DSCAM: variants seen among roughly 807,000 people sequenced by gnomAD.
The protein encoded by DSCAM is DS cell adhesion molecule, also known as cell adhesion molecule DSCAM.
DSCAM carries 47 observed loss-of-function variants against 217.7 expected under a neutral mutation model. The ratio of observed to expected loss-of-function variants is 0.22; its 90% CI spans 0.17 to 0.28. The LOEUF (loss-of-function observed/expected upper bound fraction) is 0.28, where lower values mean the gene tolerates loss of function less well. Ranked by LOEUF, DSCAM falls within the 10% of genes least tolerant of loss-of-function variation. The pLI is 1.00. For synonymous variants in DSCAM, 1,056 were observed against 1,015.3 expected (o/e 1.04, Z -0.76); for missense variants, 2,080 against 2,618.3 (o/e 0.79, Z 4.49).
At chr21:40,589,535 C>T (rs1310112726) in intron 3 of DSCAM, among the ~76,000 whole-genome samples, 1 of 152,060 alleles carries the variant, frequency 6.6e-6, no homozygotes. Context: ...GAGATCACAC[C>T]ACTGCACTCC....
intron 3 of DSCAM, among the ~76,000 whole-genome samples, chr21:40,575,374 C>T (rs556193681): frequency 1.3e-5 from 2 of 152,184 alleles, no homozygotes; most frequent in Non-Finnish European, 2.9e-5. Context: ...TCACACAAAG[C>T]CTGTTTGGTG....
At position 40,013,019 on chromosome 21, in the gene DSCAM, C is replaced by T. The variant is rs1014100110; in HGVS notation, c.*15G>A. The stretch of plus-strand genomic sequence containing the variant: ...TTGAATTGTATTTACAACCGCTGTC[C>T]AGTCATGCTGTCTGTTATACCAGGG... On this transcript the variant is annotated 3_prime_UTR_variant, in exon 33 of 33. Coordinates refer to ENST00000400454, the MANE Select transcript of DSCAM (RefSeq NM_001389.5). 2.1e-6 allele frequency: 3 copies of T among 1,406,600 alleles called. No individual in the cohort carries two copies. Among genetic ancestry groups the T allele is most frequent in the Non-Finnish European group, 9.3e-7 (1 of 1,072,314 alleles). 87.1% of individuals were successfully genotyped at this position (1,406,600 alleles called of 1,614,324 possible). A position where few individuals can be genotyped will look rare whatever the true frequency, so the allele number is the denominator to read the frequency against.
intron 3 of DSCAM, among the ~76,000 whole-genome samples, chr21:40,671,794 TTGAA>T (rs918530847): frequency 1.3e-5 from 2 of 150,388 alleles, no homozygotes; most frequent in African/African-American, 2.5e-5. Context: ...CGTATGGAAA[TTGAA>T]TGACCATTGG....
chr21:40,767,903 T>G (rs911204841), intron 1 of DSCAM, among the ~76,000 whole-genome samples: 3 of 151,946 alleles, frequency 2.0e-5, no homozygotes, highest in African/African-American at 2.4e-5. Context: ...TCTCTCCCTG[T>G]GTGTGTGTGC....
chr21:40,515,587 C>T (rs573697105), intron 3 of DSCAM, among the ~76,000 whole-genome samples: 12 of 152,236 alleles, frequency 7.9e-5, no homozygotes, highest in African/African-American at 2.9e-4. Flanking sequence ...ATTTTAAGAA[C>T]TTAGAGGAGT....
intron 1 of DSCAM, among the ~76,000 whole-genome samples, chr21:40,786,927 T>G (rs779761290): frequency 6.6e-6 from 1 of 152,246 alleles, no homozygotes; most frequent in Non-Finnish European, 1.5e-5. Flanking sequence ...TCAGAGAGGC[T>G]AAGTTACTTT....
At chr21:40,628,544 T>C (rs888804506) in intron 3 of DSCAM, among the ~76,000 whole-genome samples, 3 of 152,210 alleles carry the variant, frequency 2.0e-5, no homozygotes, top group Admixed American at 1.3e-4. Flanking sequence ...ACTTTTGCAC[T>C]GCAGTGGCAG....
chr21:40,270,266 C>G (rs2073597538), intron 11 of DSCAM, among the ~76,000 whole-genome samples: 1 of 152,144 alleles, frequency 6.6e-6, no homozygotes, highest in South Asian at 2.1e-4. Context: ...TTCTGGGGAC[C>G]AGAAGTGCAA....
At chr21:40,366,372 T>C (rs1360558590) in intron 4 of DSCAM, among the ~76,000 whole-genome samples, 1 of 152,116 alleles carries the variant, frequency 6.6e-6, no homozygotes, top group Non-Finnish European at 1.5e-5. Context: ...ATATTATGCT[T>C]TCTGTTGTGT....
chr21:40,345,249 C>A (rs191003444), intron 6 of DSCAM, among the ~76,000 whole-genome samples: 21 of 152,226 alleles, frequency 1.4e-4, no homozygotes, highest in East Asian at 1.2e-3. Context: ...TTGTTTCTAT[C>A]GTTTGCTTTG....
intron 19 of DSCAM, among the ~76,000 whole-genome samples, chr21:40,129,058 GCA>G (rs2090127839): frequency 6.6e-6 from 1 of 152,110 alleles, no homozygotes; most frequent in Admixed American, 6.5e-5. Flanking sequence ...CACAGACACC[GCA>G]GTCAGCTTCA....
intron 11 of DSCAM, among the ~76,000 whole-genome samples, chr21:40,268,310 T>G (rs915982659): frequency 8.5e-5 from 13 of 152,080 alleles, no homozygotes; most frequent in Admixed American, 6.5e-4. Flanking sequence ...GGCAAATGGG[T>G]GGGTCTGGTC....
intron 19 of DSCAM, among the ~76,000 whole-genome samples, chr21:40,129,000 C>T (rs1400516135): frequency 1.3e-5 from 2 of 152,168 alleles, no homozygotes; most frequent in African/African-American, 2.4e-5. Flanking sequence ...AACAGTATTG[C>T]CTTGTTTTGA....
intron 14 of DSCAM, among the ~76,000 whole-genome samples, chr21:40,181,229 A>G (rs2090797003): frequency 6.6e-6 from 1 of 151,938 alleles, no homozygotes; most frequent in African/African-American, 2.4e-5. Flanking sequence ...TTATATTTAT[A>G]TCTCAATTTT....
intron 1 of DSCAM, among the ~76,000 whole-genome samples, chr21:40,729,813 G>A (rs1312054004): frequency 6.6e-6 from 1 of 152,188 alleles, no homozygotes; most frequent in African/African-American, 2.4e-5. Context: ...GATCCATGGT[G>A]AAAATGTAGC....
chr21:40,018,099 GT>G (rs1279116965), intron 32 of DSCAM, among the ~76,000 whole-genome samples: 3 of 152,170 alleles, frequency 2.0e-5, no homozygotes, highest in Non-Finnish European at 4.4e-5. Flanking sequence ...GTTTATGGTA[GT>G]TATTCTTCAG....
chr21:40,310,672 G>A (rs1383323362), intron 9 of DSCAM, among the ~76,000 whole-genome samples: 3 of 152,146 alleles, frequency 2.0e-5, no homozygotes, highest in Non-Finnish European at 4.4e-5. Context: ...CAGATTCCTG[G>A]CCTGGATCCT....
At chr21:40,384,900 C>T (rs186525661) in intron 3 of DSCAM, 48 of 152,112 alleles carry the variant, frequency 3.2e-4, no homozygotes, top group African/African-American at 1.1e-3. Context: ...ATCCATGTAC[C>T]CATTTCTTAA....
intron 3 of DSCAM, among the ~76,000 whole-genome samples, chr21:40,525,637 G>A (rs1357329886): frequency 2.0e-5 from 3 of 152,184 alleles, no homozygotes; most frequent in Admixed American, 2.0e-4. Context: ...TGTGCAAGGA[G>A]GAAATAGCCA....
Sources: gnomAD v4.1 joint callset for allele counts (sites outside exome capture counted in the v4.1 genomes callset) on GRCh38, gnomAD v4.1.1 for gene constraint, MANE v1.5 for transcripts, NCBI Gene and HGNC (gene_info 2026-07-23, HGNC 2026-07-21) for gene names.